USP13: variants seen among roughly 807,000 people sequenced by gnomAD.
The protein encoded by USP13 is ubiquitin specific peptidase 13.
Under a neutral mutation model 107.8 loss-of-function variants are expected in USP13, and 68 were observed. The observed-to-expected ratio is 0.63, with a 90% CI of 0.52 to 0.77. USP13 has a LOEUF of 0.77. Ranked by LOEUF, USP13 falls within the 30% of genes least tolerant of loss-of-function variation. The pLI, the probability that USP13 is intolerant of heterozygous loss-of-function variation, is 0.00. For missense variants in USP13, 945 were observed against 1,093.3 expected (o/e 0.86, Z 1.91); for synonymous variants, 377 against 389.5 (o/e 0.97, Z 0.38).
Position 179,761,205 on chromosome 3 carries a change from T to C in USP13, c.2042T>C (p.Met681Thr), listed in dbSNP as rs1360900448. 1 of 1,614,216 alleles carries C rather than the reference T, an allele frequency of 6.2e-7. No individual in the cohort carries two copies. The change falls in exon 17 of 21, where the codon ATG becomes ACG. Residue 681 changes from methionine to threonine, a missense_variant. Physicochemically the swap from Met to Thr is moderately conservative, Grantham distance 81 (BLOSUM62 -1). Transcript: ENST00000263966. ...AAGGCTGTGTACTTCACTGGAAATA[T>C]GGGCGCCGAGGTGGCCTTCAACTGG... ...CRKAVYFTGN[M>T]GAEVAFNWII...
At chr3:179,775,880 C>G (rs2108550859) in intron 19 of USP13, among the ~76,000 whole-genome samples, 1 of 152,296 alleles carries the variant, frequency 6.6e-6, no homozygotes, top group East Asian at 1.9e-4. Context: ...CCCTCCACAC[C>G]TTGCAAGCAG....
intron 2 of USP13, among the ~76,000 whole-genome samples, chr3:179,684,352 C>CCA (rs1711789337): frequency 1.4e-5 from 2 of 146,164 alleles, no homozygotes; most frequent in African/African-American, 5.1e-5. Flanking sequence ...ACTCTGTCAC[C>CCA]CAGGCTGGAG....
chr3:179,741,652 C>G (rs1012926588), intron 11 of USP13, among the ~76,000 whole-genome samples: 4 of 152,178 alleles, frequency 2.6e-5, no homozygotes, highest in Non-Finnish European at 2.9e-5. Context: ...CCACTGTGCC[C>G]GGCCAACAGC....
At chr3:179,681,597 A>G (rs1711654981) in intron 1 of USP13, among the ~76,000 whole-genome samples, 2 of 151,530 alleles carry the variant, frequency 1.3e-5, no homozygotes, top group Admixed American at 6.6e-5. Context: ...CAGTAGGTAC[A>G]TTCCTGGACG....
intron 1 of USP13, among the ~76,000 whole-genome samples, chr3:179,674,460 G>A (rs759244295): frequency 1.3e-5 from 2 of 152,138 alleles, no homozygotes; most frequent in Non-Finnish European, 2.9e-5. Flanking sequence ...TGTAGACCAA[G>A]CAAGACTCAT....
chr3:179,715,925 CTGTTT>C (rs779658984), intron 6 of USP13, among the ~76,000 whole-genome samples: 3 of 151,910 alleles, frequency 2.0e-5, no homozygotes, highest in Non-Finnish European at 2.9e-5. Context: ...AGTTTTTGTT[CTGTTT>C]TGTTTTGTTT....
intron 13 of USP13, among the ~76,000 whole-genome samples, chr3:179,750,986 C>T (rs1217411020): frequency 6.6e-6 from 1 of 152,140 alleles, no homozygotes; most frequent in Non-Finnish European, 1.5e-5. Flanking sequence ...ACAGAAGATG[C>T]ATTACAAATA....
chr3:179,681,207 T>C (rs1262923433), intron 1 of USP13, among the ~76,000 whole-genome samples: 2 of 152,102 alleles, frequency 1.3e-5, no homozygotes, highest in Non-Finnish European at 2.9e-5. Flanking sequence ...CGAATAGTCA[T>C]TGATGATGAC....
chr3:179,671,845 T>G (rs1720758501), intron 1 of USP13, among the ~76,000 whole-genome samples: 1 of 152,102 alleles, frequency 6.6e-6, no homozygotes, highest in African/African-American at 2.4e-5. Context: ...CTTCCCGCGG[T>G]GTTAGTATGT....
intron 1 of USP13, among the ~76,000 whole-genome samples, chr3:179,679,385 C>T (rs1711572326): frequency 6.6e-6 from 1 of 152,060 alleles, no homozygotes; most frequent in South Asian, 2.1e-4. Context: ...ACTTTGTGCT[C>T]TACTGAAATG....
At position 179,750,296 on chromosome 3, in the gene USP13, A is replaced by ATG. The variant is rs777649212; in HGVS notation, c.1710-1981_1710-1980dup. On this transcript the variant is annotated intron_variant, in intron 13 of 20. Transcript: ENST00000263966. The stretch of plus-strand genomic sequence containing the variant: ...AATAATAATAATAATAAATATATAT[A>ATG]TGTGTGTGTATATATATATATATAT... 4.1e-4 allele frequency among the ~76,000 whole-genome samples: 53 copies of ATG among 128,210 alleles called. No homozygotes were observed. The South Asian group carries it at 6.5e-3, about 16-fold the overall frequency. The allele number at this position is 128,210 out of a possible 152,430, so 84.1% of individuals were successfully genotyped here. A position where few individuals can be genotyped will look rare whatever the true frequency, so the allele number is the denominator to read the frequency against.
intron 13 of USP13, among the ~76,000 whole-genome samples, chr3:179,750,905 C>T (rs775420522): frequency 2.0e-5 from 3 of 152,092 alleles, no homozygotes; most frequent in Non-Finnish European, 4.4e-5. Flanking sequence ...TTTTTTGCCC[C>T]GTGTTCTGTC....
chr3:179,769,556 C>T (rs940838298), intron 19 of USP13, among the ~76,000 whole-genome samples: 4 of 152,124 alleles, frequency 2.6e-5, no homozygotes, highest in African/African-American at 7.2e-5. Context: ...TACAGGCATG[C>T]ACCATCATAC....
chr3:179,773,259 G>A (rs1156705357), intron 19 of USP13, among the ~76,000 whole-genome samples: 1 of 152,202 alleles, frequency 6.6e-6, no homozygotes, highest in Non-Finnish European at 1.5e-5. Flanking sequence ...GCTTTGTACA[G>A]AGGGAGTTAG....
intron 1 of USP13, among the ~76,000 whole-genome samples, chr3:179,677,880 C>T (rs1427383700): frequency 2.0e-5 from 3 of 151,960 alleles, no homozygotes; most frequent in Non-Finnish European, 4.4e-5. Context: ...TTGTTTTCCC[C>T]AATTATAAAA....
intron 13 of USP13, among the ~76,000 whole-genome samples, chr3:179,747,189 G>A (rs1028223361): frequency 1.3e-5 from 2 of 152,172 alleles, no homozygotes; most frequent in Non-Finnish European, 2.9e-5. Context: ...GATAACAGTT[G>A]TTGAGTTCTC....
intron 5 of USP13, 147 bp from the exon 6 acceptor site, chr3:179,708,626 T>C: frequency 1.9e-6 from 2 of 1,050,822 alleles, no homozygotes; most frequent in Non-Finnish European, 2.7e-6. Context: ...AACAATGTCT[T>C]GAGGGGAGAA....
intron 2 of USP13, among the ~76,000 whole-genome samples, chr3:179,688,674 G>A (rs1223891107): frequency 6.6e-6 from 1 of 152,178 alleles, no homozygotes; most frequent in Non-Finnish European, 1.5e-5. Flanking sequence ...AAGTTTTCAT[G>A]CAACCCCTCC....
intron 10 of USP13, among the ~76,000 whole-genome samples, chr3:179,732,332 C>G (rs1231173142): frequency 2.0e-5 from 3 of 152,168 alleles, no homozygotes; most frequent in Admixed American, 6.5e-5. Context: ...AAACCTCAGT[C>G]CAAAATTGTG....
Sources: gnomAD v4.1 joint callset for allele counts (sites outside exome capture counted in the v4.1 genomes callset) on GRCh38, gnomAD v4.1.1 for gene constraint, MANE v1.5 for transcripts, NCBI Gene and HGNC (gene_info 2026-07-23, HGNC 2026-07-21) for gene names.